The following ZDHHC14 variants were observed in gnomAD, a reference collection of about 807,000 sequenced individuals.
ZDHHC14 encodes the protein palmitoyltransferase ZDHHC14.
A neutral mutation model predicts 47.7 loss-of-function variants in ZDHHC14; 16 were observed. The ratio of observed to expected loss-of-function variants is 0.34; its 90% CI spans 0.23 to 0.51. The LOEUF (loss-of-function observed/expected upper bound fraction) is 0.51. Among genes scored for constraint, ZDHHC14 ranks in the 20% least tolerant of loss-of-function variants. The pLI is 0.97. For synonymous variants in ZDHHC14, 293 were observed against 278.9 expected, an observed-to-expected ratio of 1.05 and a Z score of -0.50; for missense variants, 515 against 662.5, an observed-to-expected ratio of 0.78 and a Z score of 2.44.
intron 3 of ZDHHC14, among the ~76,000 whole-genome samples, chr6:157,608,447 G>A (rs1279358847): frequency 2.0e-5 from 3 of 152,148 alleles, no homozygotes; most frequent in African/African-American, 4.8e-5. Context: ...GGAGCATACG[G>A]GAAAGATGCC....
At chr6:157,421,316 T>C (rs955938645) in intron 1 of ZDHHC14, among the ~76,000 whole-genome samples, 3 of 151,142 alleles carry the variant, frequency 2.0e-5, no homozygotes, top group African/African-American at 7.3e-5. Context: ...TGAAACCACG[T>C]CTCTACTAAA....
chr6:157,484,384 A>G lies in ZDHHC14; in HGVS notation c.246-58201A>G, dbSNP rs568314152. On this transcript the variant is annotated intron_variant, in intron 1 of 8. Transcript: ENST00000359775. ...CATATATACGTATATATACACACATATATACGTATATATACATATATATGT... is the reference window on the plus strand; with the variant it reads ...CATATATACGTATATATACACACATGTATACGTATATATACATATATATGT... Among the ~76,000 whole-genome samples the G allele has an allele frequency of 6.8e-5, 10 of 146,562 alleles. No individual in the cohort carries two copies. In the South Asian group the frequency reaches 1.9e-3, roughly 28 times the overall value.
chr6:157,654,521 A>T (rs1026956910), intron 8 of ZDHHC14, among the ~76,000 whole-genome samples: 3 of 152,052 alleles, frequency 2.0e-5, no homozygotes, highest in African/African-American at 7.2e-5. Flanking sequence ...TTTCAGGTAG[A>T]CTGGACGTGG....
At chr6:157,471,179 C>A (rs1331783195) in intron 1 of ZDHHC14, among the ~76,000 whole-genome samples, 1 of 152,204 alleles carries the variant, frequency 6.6e-6, no homozygotes, top group African/African-American at 2.4e-5. Flanking sequence ...GTATCCCCAC[C>A]CCCAGGACTT....
intron 3 of ZDHHC14, among the ~76,000 whole-genome samples, chr6:157,610,702 C>T (rs1461383959): frequency 6.6e-6 from 1 of 152,180 alleles, no homozygotes; most frequent in Admixed American, 6.5e-5. Flanking sequence ...CCATGTTGTC[C>T]GAGCTCTCAT....
rs937838445 is a variant in ZDHHC14, at chr6:157,428,363, G to C, written c.245+46097G>C. Reference sequence around the variant, plus strand: ...CAGGGTAGTGTTTTTCTAAACCAGTGATCTGGGAACTGGTATTCGTCTAAA... The same window carrying C: ...CAGGGTAGTGTTTTTCTAAACCAGTCATCTGGGAACTGGTATTCGTCTAAA... On this transcript the variant is annotated intron_variant, in intron 1 of 8. Coordinates refer to ENST00000359775, the MANE Select transcript of ZDHHC14 (RefSeq NM_024630.3). Among the ~76,000 whole-genome samples, 11 of 152,250 alleles carry C rather than the reference G, an allele frequency of 7.2e-5. No individual in the cohort carries two copies. The South Asian group carries it at 1.9e-3, about 26-fold the overall frequency.
At chr6:157,504,083 G>GA (rs1780254444) in intron 1 of ZDHHC14, among the ~76,000 whole-genome samples, 1 of 152,036 alleles carries the variant, frequency 6.6e-6, no homozygotes, top group Non-Finnish European at 1.5e-5. Flanking sequence ...AAATGTTCAA[G>GA]AAAAAGGGAA....
chr6:157,600,491 C>T (rs971978513), intron 3 of ZDHHC14, among the ~76,000 whole-genome samples: 5 of 152,162 alleles, frequency 3.3e-5, no homozygotes, highest in East Asian at 1.9e-4. Context: ...CTGCAACCTC[C>T]GCCTCCCAGA....
chr6:157,642,682 A>G (rs571634461), intron 5 of ZDHHC14, among the ~76,000 whole-genome samples: 30 of 152,362 alleles, frequency 2.0e-4, no homozygotes, highest in African/African-American at 7.2e-4. Flanking sequence ...ATTGGCTTCC[A>G]GTAGAATTGG....
chr6:157,383,067 A>G (rs887341236), intron 1 of ZDHHC14, among the ~76,000 whole-genome samples: 3 of 152,244 alleles, frequency 2.0e-5, no homozygotes, highest in Non-Finnish European at 4.4e-5. Context: ...AGCGCATGCA[A>G]GTCTTCACCG....
chr6:157,487,305 T>C (rs1779804671), intron 1 of ZDHHC14, among the ~76,000 whole-genome samples: 2 of 152,332 alleles, frequency 1.3e-5, no homozygotes, highest in South Asian at 4.1e-4. Context: ...GCAGGTCAGC[T>C]GATCCATTCT....
At chr6:157,484,775 G>T (rs1366377098) in intron 1 of ZDHHC14, among the ~76,000 whole-genome samples, 2 of 152,198 alleles carry the variant, frequency 1.3e-5, no homozygotes, top group East Asian at 3.9e-4. Flanking sequence ...GATCTGGGGT[G>T]CAAACACAAT....
intron 1 of ZDHHC14, among the ~76,000 whole-genome samples, chr6:157,426,737 G>A (rs1778229029): frequency 6.6e-6 from 1 of 152,200 alleles, no homozygotes; most frequent in African/African-American, 2.4e-5. Flanking sequence ...GGAGCTGGAA[G>A]CCGCACTAGG....
intron 2 of ZDHHC14, among the ~76,000 whole-genome samples, chr6:157,587,387 A>C (rs1461038821): frequency 6.6e-6 from 1 of 152,220 alleles, no homozygotes; most frequent in African/African-American, 2.4e-5. Context: ...AATCAGTTGC[A>C]AGGCCTCCCT....
chr6:157,404,240 G>T lies in ZDHHC14; in HGVS notation c.245+21974G>T, dbSNP rs569089139. ...CAACCTCCACCTCCCAGGTTCAAGTGGTTCTCCTGCCTCAGCCTCCTGAGT... is the reference window on the plus strand; with the variant it reads ...CAACCTCCACCTCCCAGGTTCAAGTTGTTCTCCTGCCTCAGCCTCCTGAGT... On this transcript the variant is annotated intron_variant, in intron 1 of 8. Coordinates refer to ENST00000359775, the MANE Select transcript of ZDHHC14 (RefSeq NM_024630.3). 2.6e-5 allele frequency among the ~76,000 whole-genome samples: 4 copies of T among 152,208 alleles called. No individual in the cohort carries two copies. In the East Asian group the frequency reaches 5.8e-4, roughly 22 times the overall value.
intron 5 of ZDHHC14, among the ~76,000 whole-genome samples, chr6:157,639,267 G>A (rs1173842376): frequency 1.3e-5 from 2 of 152,346 alleles, no homozygotes; most frequent in African/African-American, 4.8e-5. Context: ...GACATCATCA[G>A]TGCTGGGTTT....
chr6:157,593,717 A>G (rs1258384396), intron 3 of ZDHHC14, among the ~76,000 whole-genome samples: 1 of 152,228 alleles, frequency 6.6e-6, no homozygotes, highest in Non-Finnish European at 1.5e-5. Flanking sequence ...AGAGGTCTGC[A>G]GCTGTAAGGC....
In ZDHHC14 at chr6:157,598,623, C is replaced by G. The variant is rs143424098; in HGVS notation, c.565+5477C>G. Among the ~76,000 whole-genome samples, 1,296 of 152,274 alleles carry G rather than the reference C, an allele frequency of 8.5e-3. 15 individuals are homozygous for G. The highest frequency in any genetic ancestry group is 0.028 in the African/African-American group (1,178 of 41,562). On this transcript the variant is annotated intron_variant, in intron 3 of 8. Transcript: ENST00000359775. ...TTACCAACATTTATGCACCAAATAACATTGCATCAAAATATATAAAGTAAA... is the reference window on the plus strand; with the variant it reads ...TTACCAACATTTATGCACCAAATAAGATTGCATCAAAATATATAAAGTAAA...
chr6:157,621,194 T>C (rs1370090476), intron 3 of ZDHHC14, among the ~76,000 whole-genome samples: 1 of 152,200 alleles, frequency 6.6e-6, no homozygotes, highest in Non-Finnish European at 1.5e-5. Context: ...GCTAGTTTAA[T>C]ATTTAAATGT....
Sources: gnomAD v4.1 joint callset for allele counts (sites outside exome capture counted in the v4.1 genomes callset) on GRCh38, gnomAD v4.1.1 for gene constraint, MANE v1.5 for transcripts, NCBI Gene and HGNC (gene_info 2026-07-23, HGNC 2026-07-21) for gene names.